The following CBL variants were observed in gnomAD, a reference collection of about 807,000 sequenced individuals.
CBL encodes the protein E3 ubiquitin-protein ligase CBL.
In CBL, 45 loss-of-function variants were observed where a neutral mutation model predicts 96.9. That is an observed-to-expected ratio of 0.46 (90% CI 0.37 to 0.60). The LOEUF (loss-of-function observed/expected upper bound fraction) is 0.60, where lower values mean the gene tolerates loss of function less well. Ranked by LOEUF, CBL falls within the 20% of genes least tolerant of loss-of-function variation. The pLI is 0.00. For synonymous variants in CBL, 420 were observed against 426.8 expected, an observed-to-expected ratio of 0.98 and a Z score of 0.20; for missense variants, 1,024 against 1,143.5, an observed-to-expected ratio of 0.90 and a Z score of 1.51.
Position 119,232,453 on chromosome 11 carries a change from G to A in CBL, c.201G>A (p.Val67=), listed in dbSNP as rs1195793980. ...EKCWKLMDKV[V]RLCQNPKLAL... ...TTCTTTTTCATTTGTTGCAGGTGGT[G>A]CGGTTGTGTCAGAACCCAAAGCTGG... is the stretch of plus-strand genomic sequence containing the variant. Residue 67 remains valine, a synonymous_variant, in exon 2 of 16, where the codon GTG becomes GTA. Transcript: ENST00000264033. 3.7e-6 allele frequency: 6 copies of A among 1,613,582 alleles called. No homozygotes were observed. Among genetic ancestry groups the A allele is most frequent in the African/African-American group, 1.3e-5 (1 of 75,036 alleles).
chr11:119,259,902 C>G (rs1949740623), intron 2 of CBL, among the ~76,000 whole-genome samples: 1 of 152,164 alleles, frequency 6.6e-6, no homozygotes, highest in Non-Finnish European at 1.5e-5. Flanking sequence ...CCTTCCGATT[C>G]TATCTCACTT....
chr11:119,260,706 T>A (rs934765791), intron 2 of CBL, among the ~76,000 whole-genome samples: 4 of 152,162 alleles, frequency 2.6e-5, no homozygotes, highest in African/African-American at 9.6e-5. Flanking sequence ...CTCAAATCTG[T>A]CTTTATTTTA....
chr11:119,253,053 G>A (rs1377145671), intron 2 of CBL, among the ~76,000 whole-genome samples: 3 of 152,128 alleles, frequency 2.0e-5, no homozygotes, highest in Non-Finnish European at 4.4e-5. Flanking sequence ...GTTTAGCAGT[G>A]AGATGAAGGC....
Position 119,278,535 on chromosome 11 carries a change from T to G in CBL, c.1253T>G (p.Phe418Cys). 2 of 1,614,236 alleles carry G rather than the reference T, an allele frequency of 1.2e-6. No homozygotes were observed. Among genetic ancestry groups the G allele is most frequent in the Non-Finnish European group, 1.7e-6 (2 of 1,180,036 alleles). The change falls in exon 9 of 16, where the codon TTC becomes TGC. Residue 418 changes from phenylalanine (F) to cysteine (C), a missense_variant. Around this residue, in one of 4 missense-constraint regions of CBL, gnomAD observed 695 missense variants for 661.6 expected, o/e 1.05. Transcript: ENST00000264033. ...WQESEGQGCP[F>C]CRCEIKGTEP... The stretch of plus-strand genomic sequence containing the variant: ...GAATCAGAAGGTCAGGGCTGTCCTT[T>G]CTGCCGATGTGAAATTAAAGGTACT...
intron 9 of CBL, among the ~76,000 whole-genome samples, chr11:119,284,190 A>G (rs912127543): frequency 2.0e-5 from 3 of 152,104 alleles, no homozygotes; most frequent in East Asian, 1.9e-4. Flanking sequence ...TTAATAACCC[A>G]TAGAGAATTC....
At chr11:119,215,438 T>G (rs1281246665) in intron 1 of CBL, among the ~76,000 whole-genome samples, 1 of 151,836 alleles carries the variant, frequency 6.6e-6, no homozygotes, top group East Asian at 1.9e-4. Context: ...AATTTTTTTT[T>G]TTTTTTTGAG....
In CBL at chr11:119,300,640, A is replaced by G. The variant is rs1234183137; in HGVS notation, c.*859A>G. On this transcript the variant is annotated 3_prime_UTR_variant, in exon 16 of 16. Coordinates refer to ENST00000264033, the MANE Select transcript of CBL (RefSeq NM_005188.4). ...CTATAGGAACATTGAAGCTATTAAG[A>G]TGTTTTGATTATCCTAATTACATAA... is the stretch of plus-strand genomic sequence containing the variant. 2.5e-6 allele frequency: 1 copy of G among 398,780 alleles called. No homozygotes were observed. Among genetic ancestry groups the G allele is most frequent in the Non-Finnish European group, 4.4e-6 (1 of 226,032 alleles). 24.7% of individuals were successfully genotyped at this position (398,780 alleles called of 1,614,324 possible).
chr11:119,275,959 C>T (rs1395585386), intron 5 of CBL, 38 bp from the exon 6 acceptor site: 6 of 1,607,386 alleles, frequency 3.7e-6, no homozygotes, highest in Non-Finnish European at 4.3e-6. Flanking sequence ...GTAATACCAG[C>T]ATAATCTACT....
chr11:119,227,596 G>C (rs1419612711), intron 1 of CBL, among the ~76,000 whole-genome samples: 1 of 151,458 alleles, frequency 6.6e-6, no homozygotes. Flanking sequence ...TGTTGCCCAG[G>C]CTGGAGTGCA....
chr11:119,294,014 C>T (rs1270136972), intron 12 of CBL, among the ~76,000 whole-genome samples: 2 of 152,206 alleles, frequency 1.3e-5, no homozygotes, highest in South Asian at 4.1e-4. Context: ...CCTGTTAAGT[C>T]GTGGCTGCCT....
At chr11:119,264,727 CTG>C (rs1949788044) in intron 2 of CBL, among the ~76,000 whole-genome samples, 1 of 151,944 alleles carries the variant, frequency 6.6e-6, no homozygotes, top group Non-Finnish European at 1.5e-5. Flanking sequence ...AGTGATCTGC[CTG>C]TCTTGGCCTC....
intron 9 of CBL, among the ~76,000 whole-genome samples, chr11:119,284,577 C>A (rs1949965428): frequency 6.6e-6 from 1 of 151,998 alleles, no homozygotes; most frequent in Non-Finnish European, 1.5e-5. Context: ...CATGGCCTGC[C>A]CCTTACTTTT....
chr11:119,215,527 T>C (rs549767987), intron 1 of CBL, among the ~76,000 whole-genome samples: 1 of 151,886 alleles, frequency 6.6e-6, no homozygotes, highest in African/African-American at 2.4e-5. Context: ...TTAGCTGGGC[T>C]TGGTGGTGCA....
intron 9 of CBL, among the ~76,000 whole-genome samples, chr11:119,283,040 C>T (rs1949950531): frequency 6.6e-6 from 1 of 152,088 alleles, no homozygotes; most frequent in Admixed American, 6.5e-5. Context: ...GGCTGCAGTG[C>T]ACCATGTTTG....
At chr11:119,206,711 G>C in intron 1 of CBL, 99 bp downstream of exon 1, 1 of 1,304,712 alleles carries the variant, frequency 7.7e-7, no homozygotes, top group Non-Finnish European at 1.0e-6. Context: ...GAGGGGACGG[G>C]TCTGGTGAAG....
intron 2 of CBL, among the ~76,000 whole-genome samples, chr11:119,247,686 C>CT (rs756687127): frequency 6.6e-6 from 1 of 152,080 alleles, no homozygotes; most frequent in African/African-American, 2.4e-5. Flanking sequence ...TGATGGGGGC[C>CT]TGTAATCCCA....
chr11:119,220,777 T>G (rs537971805), intron 1 of CBL, among the ~76,000 whole-genome samples: 138 of 152,268 alleles, frequency 9.1e-4, no homozygotes, highest in African/African-American at 2.9e-3. Flanking sequence ...TTGAGAAGTA[T>G]ACTGTAGTAA....
chr11:119,246,740 G>A (rs894374856), intron 2 of CBL, among the ~76,000 whole-genome samples: 1 of 152,178 alleles, frequency 6.6e-6, no homozygotes, highest in Admixed American at 6.5e-5. Context: ...GTGTGAGCCA[G>A]TGCGCCCAGG....
intron 4 of CBL, 57 bp downstream of exon 4, chr11:119,274,081 C>A: frequency 2.2e-6 from 2 of 916,452 alleles, no homozygotes; most frequent in Non-Finnish European, 3.3e-6. Flanking sequence ...GAAGAGAAAG[C>A]TTTTTTTTTT....
Sources: allele counts gnomAD v4.1 joint callset (sites outside exome capture counted in the v4.1 genomes callset), GRCh38; gene constraint gnomAD v4.1.1; regional missense constraint gnomAD v4.1.1; transcripts MANE v1.5; gene names NCBI Gene and HGNC (gene_info 2026-07-23, HGNC 2026-07-21).